Variants in LEKR1 observed in about 807,000 individuals in gnomAD.
The protein encoded by LEKR1 is leucine, glutamate and lysine rich 1.
Under a neutral mutation model 72.4 loss-of-function variants are expected in LEKR1, and 59 were observed. The observed-to-expected ratio is 0.82, with a 90% CI of 0.66 to 1.01. LEKR1 has a LOEUF of 1.01. Ranked by LOEUF, LEKR1 falls within the 50% of genes least tolerant of loss-of-function variation. The pLI is 0.00. For missense variants in LEKR1, 728 were observed against 759.2 expected (o/e 0.96, Z 0.48); for synonymous variants, 257 against 263.2 (o/e 0.98, Z 0.23).
chr3:157,016,369 G>A (rs950426747), intron 10 of LEKR1, among the ~76,000 whole-genome samples: 2 of 151,870 alleles, frequency 1.3e-5, no homozygotes, highest in East Asian at 1.9e-4. Context: ...AAAGGAGACA[G>A]CAGATTTTTT....
chr3:156,895,435 A>G (rs1167768200), intron 3 of LEKR1, among the ~76,000 whole-genome samples: 1 of 152,050 alleles, frequency 6.6e-6, no homozygotes, highest in Non-Finnish European at 1.5e-5. Context: ...GCAACATGGC[A>G]GAAACCCCAT....
intron 6 of LEKR1, among the ~76,000 whole-genome samples, chr3:156,964,077 T>C (rs1340741676): frequency 2.6e-5 from 4 of 152,190 alleles, no homozygotes; most frequent in Admixed American, 6.5e-5. Context: ...TTATATAGTT[T>C]AGTATTAGGC....
At chr3:156,896,391 A>G (rs538131359) in intron 3 of LEKR1, among the ~76,000 whole-genome samples, 6 of 152,206 alleles carry the variant, frequency 3.9e-5, no homozygotes, top group Non-Finnish European at 7.3e-5. Context: ...TGGGCAAACG[A>G]CATTAACAGA....
At chr3:156,930,431 G>C (rs1010664282) in intron 5 of LEKR1, among the ~76,000 whole-genome samples, 1 of 152,004 alleles carries the variant, frequency 6.6e-6, no homozygotes, top group Non-Finnish European at 1.5e-5. Flanking sequence ...ATGACAACTA[G>C]AGTCTAAAGG....
At chr3:157,042,605 G>T (rs1419516894) in intron 12 of LEKR1, among the ~76,000 whole-genome samples, 1 of 152,108 alleles carries the variant, frequency 6.6e-6, no homozygotes, top group Middle Eastern at 3.2e-3. Context: ...TATGTGACTT[G>T]CTTTTTGGTT....
At chr3:157,000,083 G>A (rs1221051790) in intron 9 of LEKR1, among the ~76,000 whole-genome samples, 1 of 152,128 alleles carries the variant, frequency 6.6e-6, no homozygotes, top group Non-Finnish European at 1.5e-5. Context: ...CAGCCCTGCA[G>A]AAAGCAACGC....
chr3:156,968,982 C>T lies in LEKR1; in HGVS notation c.746-10212C>T, dbSNP rs367877998. ...TCAGGATTAAGAAACTCACTCAAAA[C>T]TGCTCAACTATATGGAAACTGAACA... On this transcript the variant is annotated intron_variant, in intron 6 of 12. Transcript: ENST00000356539. Among the ~76,000 whole-genome samples, 112 of 152,304 alleles carry T rather than the reference C, an allele frequency of 7.4e-4. No individual in the cohort carries two copies. In the East Asian group the frequency reaches 0.02, roughly 28 times the overall value.
intron 3 of LEKR1, among the ~76,000 whole-genome samples, chr3:156,897,547 G>A (rs1208791200): frequency 6.6e-6 from 1 of 152,114 alleles, no homozygotes; most frequent in East Asian, 1.9e-4. Context: ...GGGGGCGGGG[G>A]GAGGCTTCCA....
chr3:156,831,530 C>T (rs549335664), intron 2 of LEKR1, among the ~76,000 whole-genome samples: 1 of 152,274 alleles, frequency 6.6e-6, no homozygotes, highest in South Asian at 2.1e-4. Flanking sequence ...ATACCTGAGA[C>T]TGGGTAATTT....
chr3:156,852,965 C>T lies in LEKR1; in HGVS notation c.246C>T (p.Asn82=). The T allele has an allele frequency of 6.5e-7, 1 of 1,533,742 alleles. No individual in the cohort carries two copies. The highest frequency in any genetic ancestry group is 8.7e-7 in the Non-Finnish European group (1 of 1,144,614). ...AACTTGAACAGTACAAAATTGACAACAAATCCAAAACAGAAAGGTTGAGTA... is the reference window on the plus strand; with the variant it reads ...AACTTGAACAGTACAAAATTGACAATAAATCCAAAACAGAAAGGTTGAGTA... ...SQELEQYKID[N]KSKTERIYDV... The change falls in exon 3 of 13, where the codon AAC becomes AAT. Residue 82 remains asparagine (N), a synonymous_variant. Coordinates refer to ENST00000356539, the MANE Select transcript of LEKR1 (RefSeq NM_001004316.3).
chr3:157,027,918 A>C (rs917762698), intron 11 of LEKR1, among the ~76,000 whole-genome samples, 185 bp from the exon 12 acceptor site: 4 of 152,218 alleles, frequency 2.6e-5, no homozygotes, highest in Non-Finnish European at 5.9e-5. Context: ...ATACTGTTTT[A>C]AGTAGAAAAA....
At chr3:157,032,320 A>G (rs555113387) in intron 12 of LEKR1, among the ~76,000 whole-genome samples, 59 of 152,312 alleles carry the variant, frequency 3.9e-4, no homozygotes, top group Middle Eastern at 3.4e-3. Flanking sequence ...CAGATAGTTC[A>G]ATATTTTTGT....
chr3:156,858,256 AG>A (rs1716312804), intron 3 of LEKR1, among the ~76,000 whole-genome samples: 1 of 152,200 alleles, frequency 6.6e-6, no homozygotes, highest in African/African-American at 2.4e-5. Flanking sequence ...GACAAGAAAG[AG>A]AGTGAAGGAC....
At chr3:156,855,532 A>G (rs910620647) in intron 3 of LEKR1, among the ~76,000 whole-genome samples, 1 of 152,102 alleles carries the variant, frequency 6.6e-6, no homozygotes, top group South Asian at 2.1e-4. Flanking sequence ...CTGTGTTTAT[A>G]TATGTTGTTA....
Position 156,890,370 on chromosome 3 carries a change from C to T in LEKR1, c.264-30205C>T, listed in dbSNP as rs375863488. Among the ~76,000 whole-genome samples, 140 of 152,092 alleles carry T rather than the reference C, an allele frequency of 9.2e-4. No homozygotes were observed. The Middle Eastern group carries it at 0.017, about 18-fold the overall frequency. On this transcript the variant is annotated intron_variant, in intron 3 of 12. Coordinates refer to ENST00000356539, the MANE Select transcript of LEKR1 (RefSeq NM_001004316.3). Reference sequence around the variant, plus strand: ...TAGCTTCACAATTCAGAGTGGTTTCCTAAGAGCAATCTAAATCAGTAAATA... The same window carrying T: ...TAGCTTCACAATTCAGAGTGGTTTCTTAAGAGCAATCTAAATCAGTAAATA...
Position 157,024,927 on chromosome 3 carries a change from C to G in LEKR1, c.1368+3C>G, listed in dbSNP as rs971141012. Reference sequence around the variant, plus strand: ...AACAAGAGGAACTACAAATGAAGGTCTGTAATTATGATGTTCATCATTATT... The same window carrying G: ...AACAAGAGGAACTACAAATGAAGGTGTGTAATTATGATGTTCATCATTATT... On this transcript the variant is annotated splice_donor_region_variant and intron_variant, in intron 11 of 12. Coordinates refer to ENST00000356539, the MANE Select transcript of LEKR1 (RefSeq NM_001004316.3). 7.0e-6 allele frequency: 11 copies of G among 1,562,612 alleles called. No individual in the cohort carries two copies. The highest frequency in any genetic ancestry group is 6.1e-6 in the Non-Finnish European group (7 of 1,146,512).
chr3:156,983,757 C>A (rs1339508688), intron 7 of LEKR1, among the ~76,000 whole-genome samples: 1 of 152,128 alleles, frequency 6.6e-6, no homozygotes, highest in East Asian at 1.9e-4. Context: ...CCCCACAGCC[C>A]AAGACAAACC....
intron 12 of LEKR1, among the ~76,000 whole-genome samples, chr3:157,043,612 AG>A (rs1324627245): frequency 6.6e-6 from 1 of 152,246 alleles, no homozygotes; most frequent in Non-Finnish European, 1.5e-5. Context: ...GTTACATAAC[AG>A]TGTGAGCTTC....
chr3:157,004,809 T>A (rs1732285110), intron 9 of LEKR1, among the ~76,000 whole-genome samples: 1 of 151,910 alleles, frequency 6.6e-6, no homozygotes, highest in South Asian at 2.1e-4. Flanking sequence ...ATTTATGAGA[T>A]GTCACCAAAG....
Sources: gnomAD v4.1 joint callset for allele counts (sites outside exome capture counted in the v4.1 genomes callset) on GRCh38, gnomAD v4.1.1 for gene constraint, MANE v1.5 for transcripts, NCBI Gene and HGNC (gene_info 2026-07-23, HGNC 2026-07-21) for gene names.